The following SNTG1 variants were observed in gnomAD, a reference collection of about 807,000 sequenced individuals.
SNTG1 encodes syntrophin gamma 1.
SNTG1 carries 39 observed loss-of-function variants against 74.7 expected under a neutral mutation model. The ratio of observed to expected loss-of-function variants is 0.52; its 90% CI spans 0.40 to 0.68. The LOEUF (loss-of-function observed/expected upper bound fraction) is 0.68. SNTG1 is among the 30% of genes least tolerant of loss of function. The probability of loss-of-function intolerance (pLI) is 0.00; values close to 1 mark genes in which losing one functional copy is unlikely to be tolerated. For synonymous variants in SNTG1, 254 were observed against 217.1 expected, an observed-to-expected ratio of 1.17 and a Z score of -1.49; for missense variants, 685 against 609.5, an observed-to-expected ratio of 1.12 and a Z score of -1.30.
chr8:50,609,892 T>C (rs1186777446), intron 13 of SNTG1, among the ~76,000 whole-genome samples: 2 of 152,154 alleles, frequency 1.3e-5, no homozygotes, highest in Non-Finnish European at 2.9e-5. Flanking sequence ...GTCATTGCTA[T>C]AATAAATTAT....
At chr8:49,981,326 T>G (rs1195781151) in intron 1 of SNTG1, among the ~76,000 whole-genome samples, 1 of 152,112 alleles carries the variant, frequency 6.6e-6, no homozygotes, top group Non-Finnish European at 1.5e-5. Context: ...TAAAGGCAAA[T>G]GTAAATACAG....
At chr8:50,119,754 A>G (rs1383913282) in intron 1 of SNTG1, among the ~76,000 whole-genome samples, 2 of 141,596 alleles carry the variant, frequency 1.4e-5, no homozygotes, top group Non-Finnish European at 3.1e-5. Context: ...CCCCTATCAG[A>G]TGAGAAACTG....
intron 4 of SNTG1, among the ~76,000 whole-genome samples, chr8:50,405,256 C>T (rs2131367840): frequency 6.6e-6 from 1 of 152,148 alleles, no homozygotes; most frequent in Admixed American, 6.5e-5. Context: ...TACCATTTTC[C>T]ATTTCAACAA....
At chr8:50,695,560 A>G (rs2131474459) in intron 15 of SNTG1, among the ~76,000 whole-genome samples, 1 of 151,620 alleles carries the variant, frequency 6.6e-6, no homozygotes, top group African/African-American at 2.4e-5. Flanking sequence ...TGTAGTGGTG[A>G]AGTGTGAGCT....
rs752994720 is a variant in SNTG1 at position 50,536,741 on chromosome 8, G to C, written c.613G>C (p.Asp205His). The C allele has an allele frequency of 3.7e-6, 6 of 1,613,862 alleles. No individual in the cohort carries two copies. Among genetic ancestry groups the C allele is most frequent in the Non-Finnish European group, 5.1e-6 (6 of 1,179,898 alleles). ...CTTGAGGTGGGAGAAGCGATGGTGC[G>C]ACCTCAGACTGATCCCTCTACTTCA... ...PGLRWEKRWC[D>H]LRLIPLLHSR... The change falls in exon 11 of 19, where the codon GAC (aspartate) becomes CAC (histidine). Residue 205 changes from aspartate to histidine, a missense_variant. Transcript: ENST00000642720.
chr8:50,391,354 T>C (rs2092656533), intron 2 of SNTG1, among the ~76,000 whole-genome samples: 1 of 152,184 alleles, frequency 6.6e-6, no homozygotes, highest in Non-Finnish European at 1.5e-5. Context: ...TTTGGTTCTG[T>C]TTATATGCTG....
intron 4 of SNTG1, among the ~76,000 whole-genome samples, chr8:50,437,586 A>G (rs183234553): frequency 9.8e-5 from 15 of 152,318 alleles, no homozygotes; most frequent in Admixed American, 5.2e-4. Flanking sequence ...TACATTTGGA[A>G]ATGGATAATG....
intron 8 of SNTG1, among the ~76,000 whole-genome samples, chr8:50,481,226 C>T (rs1211782121): frequency 6.6e-6 from 1 of 152,080 alleles, no homozygotes; most frequent in African/African-American, 2.4e-5. Context: ...ATTAAAAATA[C>T]AAAAATTAGC....
chr8:50,716,205 T>G (rs1427538474), intron 17 of SNTG1, among the ~76,000 whole-genome samples: 1 of 152,132 alleles, frequency 6.6e-6, no homozygotes, highest in Non-Finnish European at 1.5e-5. Flanking sequence ...TAACCTTTTA[T>G]TTCTTAAATT....
chr8:50,792,045 C>T (rs1273298288), intron 18 of SNTG1, among the ~76,000 whole-genome samples: 1 of 150,044 alleles, frequency 6.7e-6, no homozygotes, highest in Non-Finnish European at 1.5e-5. Context: ...AAACCTATTT[C>T]TAAAAATCCA....
chr8:50,216,879 C>CCAT (rs2084814410), intron 2 of SNTG1, among the ~76,000 whole-genome samples: 1 of 151,840 alleles, frequency 6.6e-6, no homozygotes, highest in African/African-American at 2.4e-5. Flanking sequence ...ATTTGGAGAA[C>CCAT]CATCACTAAG....
At chr8:50,079,379 A>C (rs1490171136) in intron 1 of SNTG1, among the ~76,000 whole-genome samples, 1 of 149,424 alleles carries the variant, frequency 6.7e-6, no homozygotes, top group Non-Finnish European at 1.5e-5. Context: ...GTCTGTTCAT[A>C]TCCTTTGCCC....
intron 5 of SNTG1, among the ~76,000 whole-genome samples, chr8:50,441,334 C>T (rs967116085): frequency 1.3e-5 from 2 of 152,140 alleles, no homozygotes; most frequent in African/African-American, 4.8e-5. Context: ...CCTTTACCTT[C>T]ATTTTTCTTC....
chr8:50,413,039 A>T (rs928130347), intron 4 of SNTG1, among the ~76,000 whole-genome samples: 1 of 152,242 alleles, frequency 6.6e-6, no homozygotes, highest in Non-Finnish European at 1.5e-5. Context: ...GGAAACTAAA[A>T]TCAGTTAATT....
intron 2 of SNTG1, among the ~76,000 whole-genome samples, chr8:50,242,610 G>C (rs2086215952): frequency 6.7e-6 from 1 of 150,144 alleles, no homozygotes; most frequent in Non-Finnish European, 1.5e-5. Flanking sequence ...TTGATGTGAA[G>C]CCCCCAAATA....
chr8:50,268,654 A>AT (rs35453036), intron 2 of SNTG1, among the ~76,000 whole-genome samples: 88,003 of 147,376 alleles, frequency 0.6, 27,917 homozygotes, highest in East Asian at 0.83. Context: ...TACATATTCA[A>AT]TTTTTTTTTT....
chr8:50,658,555 T>C lies in SNTG1; in HGVS notation c.967-37T>C, dbSNP rs191394915. ...TCAAATACAGTGGTAAATAACTTTCTAAAACAAATTAAACATTATTTTCTT... is the reference window on the plus strand; with the variant it reads ...TCAAATACAGTGGTAAATAACTTTCCAAAACAAATTAAACATTATTTTCTT... On this transcript the variant is annotated intron_variant, in intron 14 of 18. Coordinates refer to ENST00000642720, the MANE Select transcript of SNTG1 (RefSeq NM_018967.5). The C allele has an allele frequency of 4.5e-3, 6,636 of 1,475,828 alleles. 33 individuals are homozygous for C. Among genetic ancestry groups the C allele is most frequent in the Non-Finnish European group, 5.7e-3 (6,089 of 1,066,774 alleles). The allele number at this position is 1,475,828 out of a possible 1,614,324, so 91.4% of individuals were successfully genotyped here.
rs1337028284 is a variant in SNTG1, at chr8:50,044,645, G to A, written c.-102-127916G>A. On this transcript the variant is annotated intron_variant, in intron 1 of 18. Transcript: ENST00000642720. ...ATAATCTGGAATAAACTCTGCAAGA[G>A]AACTATAGGTTCATATAAAGGTCTA... Among the ~76,000 whole-genome samples, 5 of 152,284 alleles carry A rather than the reference G, an allele frequency of 3.3e-5. No individual in the cohort carries two copies. The East Asian group carries it at 9.7e-4, about 29-fold the overall frequency.
intron 11 of SNTG1, among the ~76,000 whole-genome samples, chr8:50,547,580 T>C (rs895800270): frequency 6.6e-5 from 10 of 152,226 alleles, no homozygotes; most frequent in African/African-American, 2.2e-4. Flanking sequence ...ACTTATTTAA[T>C]GATATGAATT....
Sources: allele counts gnomAD v4.1 joint callset (sites outside exome capture counted in the v4.1 genomes callset), GRCh38; gene constraint gnomAD v4.1.1; transcripts MANE v1.5; gene names NCBI Gene and HGNC (gene_info 2026-07-23, HGNC 2026-07-21).